LRMDA: variants seen among roughly 807,000 people sequenced by gnomAD.
LRMDA encodes the protein leucine rich melanocyte differentiation associated.
Under a neutral mutation model 29.8 loss-of-function variants are expected in LRMDA, and 18 were observed. The observed-to-expected ratio is 0.60, with a 90% CI of 0.42 to 0.90. The LOEUF is 0.90. Among genes scored for constraint, LRMDA ranks in the 40% least tolerant of loss-of-function variants. LRMDA has a pLI of 0.00. For missense variants in LRMDA, 273 were observed against 273.9 expected, an observed-to-expected ratio of 1.00 and a Z score of 0.02; for synonymous variants, 125 against 109.4, an observed-to-expected ratio of 1.14 and a Z score of -0.89.
chr10:75,899,156 G>A (rs558148546), intron 2 of LRMDA, among the ~76,000 whole-genome samples: 23 of 152,280 alleles, frequency 1.5e-4, no homozygotes, highest in African/African-American at 5.1e-4. Flanking sequence ...TATTGAAGAA[G>A]GCAAGATTTT....
chr10:76,109,704 C>T (rs1387500213), intron 5 of LRMDA, among the ~76,000 whole-genome samples: 1 of 152,178 alleles, frequency 6.6e-6, no homozygotes, highest in East Asian at 1.9e-4. Flanking sequence ...ACTATTCTAC[C>T]ATTAGCTTAA....
intron 2 of LRMDA, among the ~76,000 whole-genome samples, chr10:75,718,552 A>C (rs767496536): frequency 6.6e-6 from 1 of 152,220 alleles, no homozygotes; most frequent in Non-Finnish European, 1.5e-5. Context: ...AGAGTGAAGA[A>C]TTGAGAAGGA....
intron 2 of LRMDA, among the ~76,000 whole-genome samples, chr10:75,458,888 T>TA (rs893233155): frequency 2.6e-5 from 4 of 151,912 alleles, no homozygotes; most frequent in African/African-American, 4.8e-5. Context: ...TTTACAACCA[T>TA]AAAAAAAACT....
At chr10:75,943,152 T>G (rs1846422498) in intron 2 of LRMDA, among the ~76,000 whole-genome samples, 1 of 148,918 alleles carries the variant, frequency 6.7e-6, no homozygotes, top group Admixed American at 6.7e-5. Context: ...AAGCACCCAC[T>G]GATGTTTTCA....
chr10:75,591,172 A>G (rs1405675028), intron 2 of LRMDA, among the ~76,000 whole-genome samples: 3 of 152,238 alleles, frequency 2.0e-5, no homozygotes, highest in African/African-American at 7.2e-5. Context: ...CAGCCTGGGC[A>G]ACACAGTGAG....
At chr10:75,998,153 C>T (rs1477637682) in intron 2 of LRMDA, among the ~76,000 whole-genome samples, 1 of 152,104 alleles carries the variant, frequency 6.6e-6, no homozygotes, top group Non-Finnish European at 1.5e-5. Flanking sequence ...TCAGAAGTGT[C>T]CCGTTTGTAA....
intron 2 of LRMDA, among the ~76,000 whole-genome samples, chr10:75,838,077 G>C (rs1404188653): frequency 6.6e-6 from 1 of 152,048 alleles, no homozygotes; most frequent in Admixed American, 6.5e-5. Flanking sequence ...AGAAGGTTAG[G>C]GGCAGGAAAA....
At chr10:75,940,684 C>G (rs1846375161) in intron 2 of LRMDA, among the ~76,000 whole-genome samples, 1 of 152,094 alleles carries the variant, frequency 6.6e-6, no homozygotes, top group Non-Finnish European at 1.5e-5. Flanking sequence ...CCCTGATATA[C>G]TCAGCAGTGT....
chr10:76,268,173 G>T (rs2132317620), intron 5 of LRMDA, among the ~76,000 whole-genome samples: 2 of 152,274 alleles, frequency 1.3e-5, no homozygotes, highest in South Asian at 4.1e-4. Flanking sequence ...GAAGGCCAAG[G>T]TTAACCCTAA....
chr10:75,825,010 G>A (rs568365767), intron 2 of LRMDA, among the ~76,000 whole-genome samples: 2 of 152,260 alleles, frequency 1.3e-5, no homozygotes, highest in South Asian at 4.1e-4. Flanking sequence ...TTTCAAGGAG[G>A]TGTGTAGACC....
intron 2 of LRMDA, among the ~76,000 whole-genome samples, chr10:75,768,467 C>G (rs1262919962): frequency 1.3e-5 from 2 of 152,156 alleles, no homozygotes; most frequent in African/African-American, 4.8e-5. Flanking sequence ...CTGGTGAATA[C>G]TGTAGTTGGG....
intron 5 of LRMDA, among the ~76,000 whole-genome samples, chr10:76,286,153 T>C (rs1840268621): frequency 6.6e-6 from 1 of 152,164 alleles, no homozygotes; most frequent in Admixed American, 6.5e-5. Flanking sequence ...CTTCCATTAT[T>C]TTATAAATAT....
chr10:75,716,399 AC>A (rs1423289351), intron 2 of LRMDA, among the ~76,000 whole-genome samples: 1 of 152,086 alleles, frequency 6.6e-6, no homozygotes, highest in African/African-American at 2.4e-5. Flanking sequence ...TGTTTATGCC[AC>A]CCTTAGTTGG....
intron 2 of LRMDA, among the ~76,000 whole-genome samples, chr10:75,731,747 A>G (rs1842701683): frequency 6.6e-6 from 1 of 152,248 alleles, no homozygotes; most frequent in Admixed American, 6.5e-5. Flanking sequence ...CTGATACGAT[A>G]GAAATGATGT....
chr10:76,051,045 C>G (rs1564639512), intron 4 of LRMDA, among the ~76,000 whole-genome samples: 1 of 152,208 alleles, frequency 6.6e-6, no homozygotes, highest in African/African-American at 2.4e-5. Flanking sequence ...AACGTGACAC[C>G]CTTTCTTTGT....
At chr10:75,666,296 C>A (rs562650768) in intron 2 of LRMDA, among the ~76,000 whole-genome samples, 1 of 151,896 alleles carries the variant, frequency 6.6e-6, no homozygotes, top group African/African-American at 2.4e-5. Context: ...TACATTACTC[C>A]TTGTACTATT....
intron 2 of LRMDA, among the ~76,000 whole-genome samples, chr10:75,722,835 A>C (rs1468683225): frequency 6.6e-6 from 1 of 152,266 alleles, no homozygotes; most frequent in Non-Finnish European, 1.5e-5. Context: ...ACTTTAAAAC[A>C]GGAGCCAAGT....
intron 3 of LRMDA, among the ~76,000 whole-genome samples, 179 bp downstream of exon 3, chr10:76,036,313 C>A (rs537997755): frequency 6.6e-6 from 1 of 152,342 alleles, no homozygotes; most frequent in African/African-American, 2.4e-5. Flanking sequence ...ACTCGGGACA[C>A]TTCAGAGTAA....
At chr10:75,924,916 G>A (rs1279255448) in intron 2 of LRMDA, among the ~76,000 whole-genome samples, 1 of 152,166 alleles carries the variant, frequency 6.6e-6, no homozygotes, top group Non-Finnish European at 1.5e-5. Context: ...TGAAGAAACG[G>A]GTGATTTAAG....
Sources: gnomAD v4.1 joint callset for allele counts (sites outside exome capture counted in the v4.1 genomes callset) on GRCh38, gnomAD v4.1.1 for gene constraint, MANE v1.5 for transcripts, NCBI Gene and HGNC (gene_info 2026-07-23, HGNC 2026-07-21) for gene names.